MFSD11: variants seen among roughly 807,000 people sequenced by gnomAD.
The protein encoded by MFSD11 is UNC93-like protein MFSD11.
In MFSD11, 36 loss-of-function variants were observed where a neutral mutation model predicts 53.5. The ratio of observed to expected loss-of-function variants is 0.67; its 90% CI spans 0.52 to 0.89. The LOEUF is 0.89. MFSD11 is among the 40% of genes least tolerant of loss of function. The pLI is 0.00. For synonymous variants in MFSD11, 186 were observed against 184.9 expected, an observed-to-expected ratio of 1.01 and a Z score of -0.05; for missense variants, 530 against 543.9, an observed-to-expected ratio of 0.97 and a Z score of 0.25.
At chr17:76,738,001 G>T (rs1179924188), upstream of MFSD11, 1 of 316,928 alleles carries the variant, frequency 3.2e-6, no homozygotes, top group African/African-American at 2.1e-5. Context: ...TGGCCGCAGT[G>T]AGTCAGGCTG....
chr17:76,760,530 T>TC (rs1406352289), intron 8 of MFSD11, among the ~76,000 whole-genome samples: 1 of 151,442 alleles, frequency 6.6e-6, no homozygotes, highest in African/African-American at 2.4e-5. Context: ...TTTCTTTCTT[T>TC]TTTTTTTTTA....
intron 8 of MFSD11, among the ~76,000 whole-genome samples, chr17:76,757,605 G>A (rs1173239160): frequency 1.3e-5 from 2 of 152,164 alleles, no homozygotes; most frequent in Admixed American, 6.5e-5. Context: ...GAATTTATAC[G>A]TTTAGTGTGC....
chr17:76,736,686 A>AC (rs561929258), upstream of MFSD11: 2 of 1,240,594 alleles, frequency 1.6e-6, no homozygotes, highest in South Asian at 2.3e-5. Context: ...CGCGGCGTGC[A>AC]CCCCCGCCCC....
intron 5 of MFSD11, among the ~76,000 whole-genome samples, 162 bp downstream of exon 5, chr17:76,742,435 G>C (rs1187310621): frequency 6.6e-6 from 1 of 151,884 alleles, no homozygotes; most frequent in East Asian, 1.9e-4. Context: ...TTGTAATAAT[G>C]GCTGAGTATG....
intron 10 of MFSD11, among the ~76,000 whole-genome samples, chr17:76,774,159 C>T (rs937300118): frequency 7.2e-5 from 11 of 152,118 alleles, no homozygotes; most frequent in Admixed American, 1.3e-4. Context: ...CTCCTGACCT[C>T]GGGTGATCTG....
In MFSD11 at chr17:76,769,860, G is replaced by C. The variant is rs778211604; in HGVS notation, c.863G>C (p.Gly288Ala). Residue 288 changes from glycine to alanine, a missense_variant, in exon 10 of 13, where the codon GGA (glycine) becomes GCA (alanine). Gly to Ala is a moderately conservative substitution (Grantham distance 60, BLOSUM62 0). Transcript: ENST00000685175. ...IGLSGIFIGI[G>A]EILGGSLFGL... ...CTTTCTGGCATTTTCATCGGCATTG[G>C]AGAAATTTTAGGTTGGTTTTAAAAA... 2 of 1,606,702 alleles carry C rather than the reference G, an allele frequency of 1.2e-6. No homozygotes were observed. Among genetic ancestry groups the C allele is most frequent in the Admixed American group, 1.7e-5 (1 of 57,856 alleles).
In MFSD11 at chr17:76,742,061, A is replaced by G; in HGVS notation, c.340+13A>G. ...ATTGCTGCTGCTGGTAAGCATTTTGATTTTTAACTTCTCTGCTTTCTTTTC... is the reference window on the plus strand; with the variant it reads ...ATTGCTGCTGCTGGTAAGCATTTTGGTTTTTAACTTCTCTGCTTTCTTTTC... On this transcript the variant is annotated intron_variant, in intron 4 of 12. Coordinates refer to ENST00000685175, the MANE Select transcript of MFSD11 (RefSeq NM_001242532.5). 6.2e-7 allele frequency: 1 copy of G among 1,614,034 alleles called. No homozygotes were observed. Among genetic ancestry groups the G allele is most frequent in the Non-Finnish European group, 8.5e-7 (1 of 1,179,996 alleles).
chr17:76,790,320 C>T, the MFSD11 span, among the ~76,000 whole-genome samples: 23 of 146,130 alleles, frequency 1.6e-4, no homozygotes, highest in East Asian at 3.4e-3. Flanking sequence ...CCACCATGCT[C>T]GGCCTCGGCC....
At chr17:76,736,693 CCCCGTCCGGG>C, upstream of MFSD11, 1 of 1,294,672 alleles carries the variant, frequency 7.7e-7, no homozygotes, top group Non-Finnish European at 9.9e-7. Context: ...TGCACCCCCG[CCCCGTCCGGG>C]CCCGCACCAC....
At chr17:76,767,556 C>A in intron 9 of MFSD11, 105 bp downstream of exon 9, 1 of 701,444 alleles carries the variant, frequency 1.4e-6, no homozygotes, top group Non-Finnish European at 2.4e-6. Flanking sequence ...TGACTGGACT[C>A]AGTGAATGGT....
At chr17:76,737,011 G>A (rs2077536958), upstream of MFSD11, 4 of 1,613,482 alleles carry the variant, frequency 2.5e-6, no homozygotes, top group East Asian at 4.5e-5. Context: ...ACTCCTTGGT[G>A]TAGCGGTCCC....
At chr17:76,761,920 CAA>C (rs35384637) in intron 8 of MFSD11, among the ~76,000 whole-genome samples, 6 of 111,232 alleles carry the variant, frequency 5.4e-5, no homozygotes, top group Admixed American at 9.8e-5. Context: ...GACTCCGTCT[CAA>C]AAAAAAAAAA....
At chr17:76,774,126 A>G (rs965994063) in intron 10 of MFSD11, among the ~76,000 whole-genome samples, 1 of 151,982 alleles carries the variant, frequency 6.6e-6, no homozygotes, top group Non-Finnish European at 1.5e-5. Context: ...GGGTTTCACC[A>G]TGTTGGCCAG....
At chr17:76,760,300 G>T (rs970269315) in intron 8 of MFSD11, among the ~76,000 whole-genome samples, 6 of 150,706 alleles carry the variant, frequency 4.0e-5, no homozygotes, top group South Asian at 2.1e-4. Flanking sequence ...AAAGAAAATT[G>T]TAAGGAAGAG....
At chr17:76,738,114 G>A, upstream of MFSD11, 1 of 513,692 alleles carries the variant, frequency 1.9e-6, no homozygotes. Context: ...GCTTCTCCGG[G>A]GGTTGTGCTC....
chr17:76,744,718 C>T (rs905093151), intron 7 of MFSD11, among the ~76,000 whole-genome samples: 7 of 152,116 alleles, frequency 4.6e-5, no homozygotes, highest in Admixed American at 1.3e-4. Flanking sequence ...TGTGTGTGAC[C>T]CTGGACAGTG....
the MFSD11 span, among the ~76,000 whole-genome samples, chr17:76,795,344 C>T: frequency 7.1e-6 from 1 of 140,856 alleles, no homozygotes. Flanking sequence ...AAAAAATTAG[C>T]CAGACGTGGT....
upstream of MFSD11, chr17:76,737,334 G>A (rs898883904): frequency 1.3e-4 from 113 of 844,066 alleles, 2 homozygotes; most frequent in South Asian, 1.1e-3. Context: ...TAACAACTGG[G>A]CGGGCAGCCG....
chr17:76,770,150 G>A (rs1356019487), intron 10 of MFSD11, among the ~76,000 whole-genome samples: 1 of 149,610 alleles, frequency 6.7e-6, no homozygotes, highest in Non-Finnish European at 1.5e-5. Context: ...CCATTCTTCT[G>A]CCTCAGCCTC....
Sources: allele counts gnomAD v4.1 joint callset (sites outside exome capture counted in the v4.1 genomes callset), GRCh38; gene constraint gnomAD v4.1.1; transcripts MANE v1.5; gene names NCBI Gene and HGNC (gene_info 2026-07-23, HGNC 2026-07-21).